Variants in PRB3 observed in about 807,000 individuals in gnomAD.
The protein encoded by PRB3 is basic salivary proline-rich protein 3.
Under a neutral mutation model 10.0 loss-of-function variants are expected in PRB3, and 9 were observed. That is an observed-to-expected ratio of 0.90 (90% confidence interval 0.54 to 1.57). PRB3 has a LOEUF of 1.57. Ranked by LOEUF, PRB3 falls within the 40% of genes most tolerant of loss-of-function variation. PRB3 has a pLI of 0.00. For synonymous variants in PRB3, 89 were observed against 138.6 expected, an observed-to-expected ratio of 0.64 and a Z score of 2.52; for missense variants, 285 against 385.5, an observed-to-expected ratio of 0.74 and a Z score of 2.18.
Position 11,269,633 on chromosome 12 carries a change from G to C in PRB3, c.37C>G (p.Leu13Val). ...LILLSVALLALSSAQSLNEDV... is the reference protein window; with the variant it reads ...LILLSVALLAVSSAQSLNEDV... ...TCATTTAAGCTCTGAGCTGAGCTCAGGGCCAGCAGGGCCACCGACAGCAGA... is the reference window on the plus strand; with the variant it reads ...TCATTTAAGCTCTGAGCTGAGCTCACGGCCAGCAGGGCCACCGACAGCAGA... The change falls in exon 1 of 4, where the codon CTG (leucine) becomes GTG (valine). Residue 13 changes from leucine (L) to valine (V), a missense_variant. By Grantham distance (32) the Leu-to-Val change is conservative. Coordinates refer to ENST00000538488, the MANE Select transcript of PRB3 (RefSeq NM_001394862.1). 6.2e-7 allele frequency: 1 copy of C among 1,614,072 alleles called. No homozygotes were observed. Among genetic ancestry groups the C allele is most frequent in the Non-Finnish European group, 8.5e-7 (1 of 1,179,946 alleles).
At position 11,265,930 on chromosome 12, in the gene PRB3, G is replaced by C. The variant is rs1948582772; in HGVS notation, c.*117C>G. 1 of 455,828 alleles carries C rather than the reference G, an allele frequency of 2.2e-6. No individual in the cohort carries two copies. The highest frequency in any genetic ancestry group is 4.4e-6 in the Non-Finnish European group (1 of 226,570). 28.2% of individuals were successfully genotyped at this position (455,828 alleles called of 1,614,324 possible). On this transcript the variant is annotated 3_prime_UTR_variant, in exon 4 of 4. Transcript: ENST00000538488. Reference sequence around the variant, plus strand: ...ACACCACAATCAGAAATTGTAAGCTGTTTATTTTATTGGTATATTAAAGGT... The same window carrying C: ...ACACCACAATCAGAAATTGTAAGCTCTTTATTTTATTGGTATATTAAAGGT...
intron 3 of PRB3, among the ~76,000 whole-genome samples, chr12:11,266,358 C>G (rs1948586633): frequency 1.3e-5 from 2 of 152,168 alleles, no homozygotes; most frequent in South Asian, 4.1e-4. Context: ...TGAAACCACC[C>G]TCAGTATCCA....
chr12:11,266,068 G>T, intron 3 of PRB3, 39 bp from the exon 4 acceptor site: 1 of 454,218 alleles, frequency 2.2e-6, no homozygotes, highest in Non-Finnish European at 4.4e-6. Context: ...GAGCAGACTT[G>T]ACATGGCAGG....
chr12:11,268,609 G>C (rs1291633273), intron 2 of PRB3, 24 bp downstream of exon 2: 1 of 1,594,026 alleles, frequency 6.3e-7, no homozygotes, highest in Non-Finnish European at 8.6e-7. Flanking sequence ...AGTTAAAACA[G>C]ATTGAGAGTG....
intron 3 of PRB3, among the ~76,000 whole-genome samples, chr12:11,266,635 TGAAG>T (rs1379984075): frequency 1.3e-5 from 2 of 152,208 alleles, no homozygotes; most frequent in African/African-American, 4.8e-5. Context: ...GGTAGCTTTT[TGAAG>T]GAAGGAAGGT....
rs754850693 is a variant in PRB3 at position 11,267,262 on chromosome 12, G to T, written c.987C>A (p.Pro329=). The T allele has an allele frequency of 1.9e-6, 3 of 1,613,530 alleles. No homozygotes were observed. The Admixed American group carries it at 5.0e-5, about 27-fold the overall frequency. ...CTTGAGGAGGTGGAGGTGGTCCCTG[G>T]GGCTTTCCAGCGGGAGGTGGCAGAG... The part of the protein sequence containing the change: ...QQPLPPPAGK[P]QGPPPPPQGG... The change falls in exon 3 of 4, where the codon CCC becomes CCA. Residue 329 remains proline (P), a synonymous_variant. Coordinates refer to ENST00000538488, the MANE Select transcript of PRB3 (RefSeq NM_001394862.1).
At chr12:11,268,534 T>C in intron 2 of PRB3, 99 bp downstream of exon 2, 1 of 1,448,914 alleles carries the variant, frequency 6.9e-7, no homozygotes, top group Non-Finnish European at 9.7e-7. Context: ...TATTAATCAA[T>C]TTCTAAAGGA....
At chr12:11,268,452 A>G (rs769510678) in intron 2 of PRB3, among the ~76,000 whole-genome samples, 181 bp downstream of exon 2, 3 of 152,108 alleles carry the variant, frequency 2.0e-5, no homozygotes, top group Admixed American at 6.5e-5. Flanking sequence ...CTGCCATTCA[A>G]TTTGGTGGCC....
chr12:11,266,968 T>C (rs1948592619), intron 3 of PRB3, among the ~76,000 whole-genome samples: 1 of 152,256 alleles, frequency 6.6e-6, no homozygotes, highest in African/African-American at 2.4e-5. Context: ...TTGTATGGTA[T>C]GTTGTTTCTC....
chr12:11,268,716 G>T (rs776324484), intron 1 of PRB3, 48 bp from the exon 2 acceptor site: 2 of 1,586,154 alleles, frequency 1.3e-6, no homozygotes, highest in African/African-American at 2.7e-5. Context: ...CTCGAATTTT[G>T]CAAGATTCAC....
At position 11,268,679 on chromosome 12, in the gene PRB3, A is replaced by G; in HGVS notation, c.65-11T>C. 6.2e-7 allele frequency: 1 copy of G among 1,612,756 alleles called. No homozygotes were observed. The highest frequency in any genetic ancestry group is 1.7e-4 in the Middle Eastern group (1 of 6,060). On this transcript the variant is annotated splice_polypyrimidine_tract_variant and intron_variant, in intron 1 of 3. Transcript: ENST00000538488. ...CTTCCTGGCTGACATCTAGAAGAGA[A>G]GCACAGGATGATGGGAAAGGTTACA...
At position 11,267,302 on chromosome 12, in the gene PRB3, C is replaced by T; in HGVS notation, c.947G>A (p.Gly316Asp). The T allele has an allele frequency of 6.2e-7, 1 of 1,612,420 alleles. No homozygotes were observed. The highest frequency in any genetic ancestry group is 8.5e-7 in the Non-Finnish European group (1 of 1,179,174). Residue 316 changes from glycine to aspartate, a missense_variant, in exon 3 of 4, where the codon GGC becomes GAC. Gly to Asp is a moderately conservative substitution (Grantham distance 94). Coordinates refer to ENST00000538488, the MANE Select transcript of PRB3 (RefSeq NM_001394862.1). ...AGGTGGCAGAGGCTGCTGGGGATTG[C>T]CTCCTGGTGGGGGTGGTCCTTGTGG... Reference protein sequence around the residue: ...GRPQGPPPPGGNPQQPLPPPA... With the variant: ...GRPQGPPPPGDNPQQPLPPPA...
rs756482044 is a variant in PRB3, at chr12:11,268,666, C to G, written c.67G>C (p.Val23Leu). The change falls in exon 2 of 4, where the codon GTC becomes CTC. Residue 23 changes from valine (V) to leucine (L), a missense_variant and splice_region_variant. By Grantham distance (32) the Val-to-Leu change is conservative. This residue lies in a region of PRB3 where 147 missense variants were observed against 129.4 expected (regional missense o/e 1.14). Transcript: ENST00000538488. ...LSSAQSLNED[V>L]SQEESPSVIS... Reference sequence around the variant, plus strand: ...ACGGAGGGAGATTCTTCCTGGCTGACATCTAGAAGAGAAGCACAGGATGAT... The same window carrying G: ...ACGGAGGGAGATTCTTCCTGGCTGAGATCTAGAAGAGAAGCACAGGATGAT... The G allele has an allele frequency of 9.3e-6, 15 of 1,612,430 alleles. No individual in the cohort carries two copies. Among genetic ancestry groups the G allele is most frequent in the Admixed American group, 1.7e-5 (1 of 60,026 alleles).
rs1256767716 is a variant in PRB3, at chr12:11,268,670, T to C, written c.65-2A>G. On this transcript the variant is annotated splice_acceptor_variant, in intron 1 of 3. Coordinates refer to ENST00000538488, the MANE Select transcript of PRB3 (RefSeq NM_001394862.1). LOFTEE classifies it high-confidence loss of function. Reference sequence around the variant, plus strand: ...AGGGAGATTCTTCCTGGCTGACATCTAGAAGAGAAGCACAGGATGATGGGA... The same window carrying C: ...AGGGAGATTCTTCCTGGCTGACATCCAGAAGAGAAGCACAGGATGATGGGA... 6.2e-7 allele frequency: 1 copy of C among 1,612,944 alleles called. No homozygotes were observed. Among genetic ancestry groups the C allele is most frequent in the Admixed American group, 1.7e-5 (1 of 60,022 alleles).
chr12:11,266,071 A>C (rs1948583870), intron 3 of PRB3, 42 bp from the exon 4 acceptor site: 1 of 454,004 alleles, frequency 2.2e-6, no homozygotes, highest in African/African-American at 2.0e-5. Flanking sequence ...CAGACTTGAC[A>C]TGGCAGGAAA....
rs773367918 is a variant in PRB3, at chr12:11,269,683, C to A, written c.-14G>T. 3 of 1,613,906 alleles carry A rather than the reference C, an allele frequency of 1.9e-6. No homozygotes were observed. The Admixed American group carries it at 5.0e-5, about 27-fold the overall frequency. ...AATCAGTAGCATCTTGCTGGAGGCTCTGGAGTCACTCCCAACTCTGTGCTG... is the reference window on the plus strand; with the variant it reads ...AATCAGTAGCATCTTGCTGGAGGCTATGGAGTCACTCCCAACTCTGTGCTG... On this transcript the variant is annotated 5_prime_UTR_variant, in exon 1 of 4. Coordinates refer to ENST00000538488, the MANE Select transcript of PRB3 (RefSeq NM_001394862.1).
At chr12:11,266,131 C>T (rs1301014185) in intron 3 of PRB3, 102 bp from the exon 4 acceptor site, 5 of 412,438 alleles carry the variant, frequency 1.2e-5, no homozygotes, top group African/African-American at 2.0e-5. Flanking sequence ...GAGATCCCAT[C>T]CTCTCTCCCC....
chr12:11,266,692 C>A (rs1286220478), intron 3 of PRB3, among the ~76,000 whole-genome samples: 1 of 152,142 alleles, frequency 6.6e-6, no homozygotes, highest in East Asian at 1.9e-4. Context: ...TCATATTTTT[C>A]CATTCCATTA....
Position 11,267,167 on chromosome 12 carries a change from G to T in PRB3, c.*17+9C>A. The T allele has an allele frequency of 1.3e-6, 2 of 1,590,624 alleles. No individual in the cohort carries two copies. The highest frequency in any genetic ancestry group is 1.7e-6 in the Non-Finnish European group (2 of 1,158,696). On this transcript the variant is annotated intron_variant, in intron 3 of 3. Transcript: ENST00000538488. ...AGAGCACTTGGTGAAGAATAAACTGGAATCATACCTGTCATTGAACCTTGA... is the reference window on the plus strand; with the variant it reads ...AGAGCACTTGGTGAAGAATAAACTGTAATCATACCTGTCATTGAACCTTGA...
Sources: allele counts gnomAD v4.1 joint callset (sites outside exome capture counted in the v4.1 genomes callset), GRCh38; gene constraint gnomAD v4.1.1; regional missense constraint gnomAD v4.1.1; transcripts MANE v1.5; gene names NCBI Gene and HGNC (gene_info 2026-07-23, HGNC 2026-07-21).